SYN3: variants seen among roughly 807,000 people sequenced by gnomAD.
SYN3 encodes the protein synapsin III.
A neutral mutation model predicts 65.8 loss-of-function variants in SYN3; 35 were observed. The observed-to-expected ratio is 0.53, with a 90% CI of 0.41 to 0.70. The LOEUF (loss-of-function observed/expected upper bound fraction) is 0.70, where lower values mean the gene tolerates loss of function less well. Ranked by LOEUF, SYN3 falls within the 30% of genes least tolerant of loss-of-function variation. The probability of loss-of-function intolerance (pLI) is 0.00; values close to 1 mark genes in which losing one functional copy is unlikely to be tolerated. For synonymous variants in SYN3, 270 were observed against 292.9 expected, an observed-to-expected ratio of 0.92 and a Z score of 0.80; for missense variants, 680 against 749.0, an observed-to-expected ratio of 0.91 and a Z score of 1.08.
rs1555968063 is a variant in SYN3, at chr22:32,807,348, A to AAT, written c.711+57565_711+57566dup. ...ATATATAATTTATATATAATATATA[A>AAT]ATATATAATATATAATATATATTAT... On this transcript the variant is annotated intron_variant, in intron 6 of 13. Coordinates refer to ENST00000358763, the MANE Select transcript of SYN3 (RefSeq NM_003490.4). 7.8e-4 allele frequency among the ~76,000 whole-genome samples: 26 copies of AAT among 33,446 alleles called. 1 individual carries two copies. The East Asian group carries it at 0.052, about 66-fold the overall frequency. The allele number at this position is 33,446 out of a possible 152,430, so 21.9% of individuals were successfully genotyped here.
At chr22:32,777,761 C>G (rs189235456) in intron 6 of SYN3, among the ~76,000 whole-genome samples, 1 of 152,230 alleles carries the variant, frequency 6.6e-6, no homozygotes. Flanking sequence ...ATAGTTTACT[C>G]TTCATATTTA....
chr22:32,930,299 T>G (rs2050592478), intron 4 of SYN3, among the ~76,000 whole-genome samples: 1 of 152,068 alleles, frequency 6.6e-6, no homozygotes, highest in African/African-American at 2.4e-5. Context: ...GATCTAACGG[T>G]TTTATAAAGG....
At chr22:32,634,262 C>A (rs191267243) in intron 6 of SYN3, among the ~76,000 whole-genome samples, 9 of 151,830 alleles carry the variant, frequency 5.9e-5, no homozygotes, top group Admixed American at 5.9e-4. Context: ...GATAAACAGC[C>A]GAGCCACTAT....
chr22:32,729,393 G>A (rs995893935), intron 6 of SYN3, among the ~76,000 whole-genome samples: 1 of 152,226 alleles, frequency 6.6e-6, no homozygotes, highest in African/African-American at 2.4e-5. Context: ...CAGAGCCAGT[G>A]GGAGAGGAAG....
intron 4 of SYN3, among the ~76,000 whole-genome samples, chr22:32,870,463 TCTA>T (rs1441441236): frequency 1.3e-5 from 2 of 152,220 alleles, no homozygotes; most frequent in African/African-American, 4.8e-5. Context: ...AAACCAATCA[TCTA>T]CTATTATCAT....
chr22:33,031,080 C>A (rs1299833795), intron 1 of SYN3, among the ~76,000 whole-genome samples: 2 of 152,224 alleles, frequency 1.3e-5, no homozygotes, highest in Non-Finnish European at 2.9e-5. Context: ...AGCACTCAGT[C>A]TTACCACCTT....
intron 1 of SYN3, among the ~76,000 whole-genome samples, chr22:33,008,668 C>T (rs1225199665): frequency 1.3e-5 from 2 of 152,158 alleles, no homozygotes; most frequent in Admixed American, 6.5e-5. Context: ...AATCCCAGAA[C>T]TTTGGGAAGC....
At position 32,944,097 on chromosome 22, in the gene SYN3, G is replaced by A. The variant is rs548108792; in HGVS notation, c.370-12616C>T. On this transcript the variant is annotated intron_variant, in intron 3 of 13. Coordinates refer to ENST00000358763, the MANE Select transcript of SYN3 (RefSeq NM_003490.4). ...GAACTCAGCTCTGCACCAAGTGGAC[G>A]TAATAGACATCTACAGAACACTCCA... Among the ~76,000 whole-genome samples the A allele has an allele frequency of 4.6e-5, 7 of 152,252 alleles. No individual in the cohort carries two copies. In the South Asian group the frequency reaches 8.3e-4, roughly 18 times the overall value.
At chr22:32,891,995 A>ATAATAATAG (rs1465478630) in intron 4 of SYN3, among the ~76,000 whole-genome samples, 4 of 151,270 alleles carry the variant, frequency 2.6e-5, no homozygotes, top group African/African-American at 9.7e-5. Context: ...AATAATAATA[A>ATAATAATAG]TAATAATAAT....
chr22:32,995,941 G>A (rs143669873), intron 2 of SYN3, among the ~76,000 whole-genome samples: 49 of 152,196 alleles, frequency 3.2e-4, no homozygotes, highest in South Asian at 1.5e-3. Context: ...GTGAGCCACC[G>A]CATCCGGCCT....
rs141376631 is a variant in SYN3 at position 32,846,398 on chromosome 22, T to C, written c.711+18517A>G. ...CTCCCAGGCCTTAGCTTACAGTGCA[T>C]GTTAGAAGTCTGAAGATGGTATGCC... On this transcript the variant is annotated intron_variant, in intron 6 of 13. Transcript: ENST00000358763. 6.6e-5 allele frequency among the ~76,000 whole-genome samples: 10 copies of C among 152,356 alleles called. No homozygotes were observed. In the East Asian group the frequency reaches 1.9e-3, roughly 29 times the overall value.
At chr22:32,607,905 C>T (rs958056664) in intron 6 of SYN3, among the ~76,000 whole-genome samples, 10 of 152,252 alleles carry the variant, frequency 6.6e-5, no homozygotes, top group Middle Eastern at 3.4e-3. Flanking sequence ...TCCTAAATGA[C>T]GGGGAAGCGA....
intron 6 of SYN3, among the ~76,000 whole-genome samples, chr22:32,851,704 G>A (rs1433973785): frequency 1.3e-5 from 2 of 152,250 alleles, no homozygotes; most frequent in East Asian, 1.9e-4. Flanking sequence ...CTGAGGCATC[G>A]GAATTTCTTC....
intron 6 of SYN3, among the ~76,000 whole-genome samples, chr22:32,598,917 A>C (rs1025834037): frequency 2.6e-5 from 4 of 152,178 alleles, no homozygotes; most frequent in African/African-American, 7.2e-5. Flanking sequence ...CACTATAAAA[A>C]CTTTGCAAAA....
chr22:33,055,040 G>A (rs2054232529), intron 1 of SYN3, among the ~76,000 whole-genome samples: 2 of 152,184 alleles, frequency 1.3e-5, no homozygotes, highest in African/African-American at 4.8e-5. Context: ...TTCCAACTGT[G>A]ACAAGATCTT....
chr22:32,804,722 A>G (rs1302999853), intron 6 of SYN3, among the ~76,000 whole-genome samples: 2 of 152,144 alleles, frequency 1.3e-5, no homozygotes, highest in African/African-American at 2.4e-5. Flanking sequence ...AGGTGTTTCT[A>G]TGGCAACTCC....
At chr22:32,611,800 A>G (rs2059449456) in intron 6 of SYN3, among the ~76,000 whole-genome samples, 1 of 152,104 alleles carries the variant, frequency 6.6e-6, no homozygotes, top group Non-Finnish European at 1.5e-5. Flanking sequence ...TTCCTGAGTG[A>G]CAGGGGTGCT....
In SYN3 at chr22:32,749,459, G is replaced by A. The variant is rs190727384; in HGVS notation, c.711+115456C>T. Among the ~76,000 whole-genome samples, 386 of 152,188 alleles carry A rather than the reference G, an allele frequency of 2.5e-3. 1 individual carries two copies. The highest frequency in any genetic ancestry group is 4.5e-3 in the Non-Finnish European group (305 of 68,006). On this transcript the variant is annotated intron_variant, in intron 6 of 13. Coordinates refer to ENST00000358763, the MANE Select transcript of SYN3 (RefSeq NM_003490.4). ...GTTCAAGACCAGCCTGGCCAAGATG[G>A]TGAAACCCCGTCTCTACTAAAAACT...
chr22:32,684,471 A>T (rs1199528078), intron 6 of SYN3, among the ~76,000 whole-genome samples: 1 of 152,088 alleles, frequency 6.6e-6, no homozygotes, highest in African/African-American at 2.4e-5. Context: ...TTCTTATTTC[A>T]TTTGAAGGAG....
Sources: gnomAD v4.1 joint callset for allele counts (sites outside exome capture counted in the v4.1 genomes callset) on GRCh38, gnomAD v4.1.1 for gene constraint, MANE v1.5 for transcripts, NCBI Gene and HGNC (gene_info 2026-07-23, HGNC 2026-07-21) for gene names.